The following SLC38A7 variants were observed in gnomAD, a reference collection of about 807,000 sequenced individuals.
The protein encoded by SLC38A7 is solute carrier family 38 member 7.
SLC38A7 carries 29 observed loss-of-function variants against 50.1 expected under a neutral mutation model. That is an observed-to-expected ratio of 0.58 (90% CI 0.43 to 0.79). The LOEUF is 0.79. Ranked by LOEUF, SLC38A7 falls within the 30% of genes least tolerant of loss-of-function variation. The pLI is 0.00. For missense variants in SLC38A7, 483 were observed against 610.6 expected, an observed-to-expected ratio of 0.79 and a Z score of 2.20; for synonymous variants, 244 against 245.9, an observed-to-expected ratio of 0.99 and a Z score of 0.07.
rs2044156420 is a variant in SLC38A7 at position 58,671,390 on chromosome 16, C to T, written c.1032-146G>A. The stretch of plus-strand genomic sequence containing the variant: ...GTTTCCTCTTCTGTAAAATGGGCCA[C>T]CAGCACTCTGTTTACCACAGGGACT... On this transcript the variant is annotated intron_variant, in intron 9 of 11. Transcript: ENST00000219320. 3.4e-5 allele frequency: 25 copies of T among 737,844 alleles called. No homozygotes were observed. In the South Asian group the frequency reaches 4.5e-4, roughly 13 times the overall value. The allele number at this position is 737,844 out of a possible 1,614,324, so 45.7% of individuals were successfully genotyped here. A position where few individuals can be genotyped will look rare whatever the true frequency, so the allele number is the denominator to read the frequency against.
chr16:58,672,724 G>A lies in SLC38A7; in HGVS notation c.884-481C>T, dbSNP rs9940685. On this transcript the variant is annotated intron_variant, in intron 8 of 11. Coordinates refer to ENST00000219320, the MANE Select transcript of SLC38A7 (RefSeq NM_018231.3). ...CGCAGTAGTGTGATCATGGCTCACT[G>A]CAGCCTTGACCTCCTCGGCTCAAGC... Among the ~76,000 whole-genome samples the A allele has an allele frequency of 3.7e-3, 566 of 152,160 alleles. 5 individuals carry two copies. The highest frequency in any genetic ancestry group is 0.013 in the African/African-American group (543 of 41,492).
At position 58,678,765 on chromosome 16, in the gene SLC38A7, C is replaced by T. The variant is rs1273376109; in HGVS notation, c.400G>A (p.Ala134Thr). Reference sequence around the variant, plus strand: ...GTGCCAAAGGTGTAGACAGCGATGGCCACCTCACATAGCACACCTGTCAGC... The same window carrying T: ...GTGCCAAAGGTGTAGACAGCGATGGTCACCTCACATAGCACACCTGTCAGC... ...GKLTGVLCEV[A>T]IAVYTFGTCI... Residue 134 changes from alanine to threonine, a missense_variant, in exon 4 of 12, where the codon GCC becomes ACC. Ala to Thr is a moderately conservative substitution (Grantham distance 58, BLOSUM62 0). Transcript: ENST00000219320. This position sits in a 1 kb window ranked among gnomAD's most constrained non-coding sequence, Gnocchi z 4.0. 6.2e-7 allele frequency: 1 copy of T among 1,614,126 alleles called. No individual in the cohort carries two copies. The highest frequency in any genetic ancestry group is 2.2e-5 in the East Asian group (1 of 44,878).
chr16:58,675,219 C>T, intron 8 of SLC38A7: 1 of 340,348 alleles, frequency 2.9e-6, no homozygotes, highest in South Asian at 2.5e-5. Flanking sequence ...ATACCTTCCC[C>T]ATTTTAGGCT....
chr16:58,676,436 G>A, intron 6 of SLC38A7, 90 bp from the exon 7 acceptor site: 1 of 1,386,920 alleles, frequency 7.2e-7, no homozygotes, highest in African/African-American at 1.4e-5. Context: ...AGCCCACCAT[G>A]GTCTCCAGCA....
Position 58,676,295 on chromosome 16 carries a change from TC to T in SLC38A7, c.761del (p.Gly254AspfsTer20). On this transcript the variant is annotated frameshift_variant, in exon 7 of 12. Transcript: ENST00000219320. LOFTEE classifies it high-confidence loss of function. ...VFNAMPTICF[G>X]FQCHVSSVPV... The stretch of plus-strand genomic sequence containing the variant: ...TTGCAACTGGCACTGGCACCTGAAA[TC>T]CGAAGCAGATGGTGGGCATGGCATT... 1.2e-6 allele frequency: 2 copies of T among 1,614,044 alleles called. No individual in the cohort carries two copies. The highest frequency in any genetic ancestry group is 1.7e-6 in the Non-Finnish European group (2 of 1,180,002).
At chr16:58,679,497 C>A (rs1360417836) in intron 3 of SLC38A7, 1 of 495,568 alleles carries the variant, frequency 2.0e-6, no homozygotes, top group Non-Finnish European at 3.5e-6. Flanking sequence ...CCCCTTCCCT[C>A]CCACTCTGCA....
chr16:58,678,252 A>G lies in SLC38A7; in HGVS notation c.611+81T>C. On this transcript the variant is annotated intron_variant, in intron 5 of 11. Coordinates refer to ENST00000219320, the MANE Select transcript of SLC38A7 (RefSeq NM_018231.3). The surrounding 1 kb of genome is among the most constrained non-coding windows in gnomAD (Gnocchi z 4.0). ...TCCCCAAGGTGAGGTGGCATGGAGG[A>G]GCAGGGTTCCCCAGGAGCCCTTGGG... The G allele has an allele frequency of 7.0e-7, 1 of 1,418,820 alleles. No individual in the cohort carries two copies. The highest frequency in any genetic ancestry group is 1.4e-5 in the African/African-American group (1 of 69,880). 87.9% of individuals were successfully genotyped at this position (1,418,820 alleles called of 1,614,324 possible).
Position 58,672,229 on chromosome 16 carries a change from G to A in SLC38A7, c.898C>T (p.Leu300=), listed in dbSNP as rs1032645540. 1 of 1,583,230 alleles carries A rather than the reference G, an allele frequency of 6.3e-7. No individual in the cohort carries two copies. Among genetic ancestry groups the A allele is most frequent in the African/African-American group, 1.3e-5 (1 of 74,514 alleles). The change falls in exon 9 of 12, where the codon CTG becomes TTG. Residue 300 remains leucine, a synonymous_variant. Coordinates refer to ENST00000219320, the MANE Select transcript of SLC38A7 (RefSeq NM_018231.3). The part of the protein sequence containing the change: ...VYMGTGICGF[L]TFGAAVDPDV... ...GGATCCACAGCAGCTCCAAAGGTCA[G>A]GAAGCCACAGATGCCTGTGGGCAGG...
At chr16:58,677,185 TC>T in intron 6 of SLC38A7, 140 bp downstream of exon 6, 2 of 673,070 alleles carry the variant, frequency 3.0e-6, no homozygotes, top group Non-Finnish European at 5.3e-6. Flanking sequence ...CTTTCCTCCT[TC>T]CTACAATGAC....
At position 58,679,989 on chromosome 16, in the gene SLC38A7, C is replaced by T. The variant is rs908133304; in HGVS notation, c.138G>A (p.Leu46=). 1.2e-6 allele frequency: 2 copies of T among 1,612,368 alleles called. No individual in the cohort carries two copies. Among genetic ancestry groups the T allele is most frequent in the Non-Finnish European group, 8.5e-7 (1 of 1,179,164 alleles). Residue 46 remains leucine (L), a synonymous_variant, in exon 3 of 12, where the codon CTG becomes CTA. Coordinates refer to ENST00000219320, the MANE Select transcript of SLC38A7 (RefSeq NM_018231.3). ...CAAGTGTGGAAGTGGTGCCTCTGTC[C>T]AGACCCCCAGGAGAGGCTTCCCACT... ...KSEWEASPGG[L]DRGTTSTLGA...
intron 11 of SLC38A7, among the ~76,000 whole-genome samples, chr16:58,667,827 A>C (rs1306598729): frequency 6.6e-6 from 1 of 152,254 alleles, no homozygotes; most frequent in Non-Finnish European, 1.5e-5. Context: ...GACATCTGCA[A>C]ATGTATGTAC....
At chr16:58,679,701 A>G in intron 3 of SLC38A7, 156 bp downstream of exon 3, 1 of 981,572 alleles carries the variant, frequency 1.0e-6, no homozygotes, top group South Asian at 1.7e-5. Flanking sequence ...GGGTCACAGG[A>G]AAGAATACTA....
intron 8 of SLC38A7, among the ~76,000 whole-genome samples, chr16:58,673,186 C>T (rs1418814428): frequency 2.1e-5 from 3 of 145,206 alleles, no homozygotes; most frequent in Non-Finnish European, 4.5e-5. Context: ...GTTCTCATGC[C>T]TCAGCCTCCT....
chr16:58,677,449 T>C, intron 5 of SLC38A7, 25 bp from the exon 6 acceptor site: 1 of 1,605,132 alleles, frequency 6.2e-7, no homozygotes, highest in South Asian at 1.1e-5. Context: ...AGACTAAGTG[T>C]CCTCATCCCC....
At chr16:58,674,012 A>G (rs1011440874) in intron 8 of SLC38A7, among the ~76,000 whole-genome samples, 1 of 151,266 alleles carries the variant, frequency 6.6e-6, no homozygotes, top group Admixed American at 6.6e-5. Context: ...TTTGATAGAG[A>G]CAGGGTTTTG....
rs905574006 is a variant in SLC38A7 at position 58,678,276 on chromosome 16, G to A, written c.611+57C>T. 2.7e-6 allele frequency: 4 copies of A among 1,468,972 alleles called. No homozygotes were observed. In the African/African-American group the frequency reaches 5.6e-5, roughly 21 times the overall value. The allele number at this position is 1,468,972 out of a possible 1,614,324, so 91.0% of individuals were successfully genotyped here. A position where few individuals can be genotyped will look rare whatever the true frequency, so the allele number is the denominator to read the frequency against. On this transcript the variant is annotated intron_variant, in intron 5 of 11. Coordinates refer to ENST00000219320, the MANE Select transcript of SLC38A7 (RefSeq NM_018231.3). The surrounding 1 kb of genome is among the most constrained non-coding windows in gnomAD (Gnocchi z 4.0). The stretch of plus-strand genomic sequence containing the variant: ...GAGCAGGGTTCCCCAGGAGCCCTTG[G>A]GTCTACAGCTGCCCAGGATCATAGC...
At chr16:58,679,503 C>G (rs1432153266) in intron 3 of SLC38A7, 1 of 500,296 alleles carries the variant, frequency 2.0e-6, no homozygotes, top group Non-Finnish European at 3.5e-6. Context: ...CCCTCCCACT[C>G]TGCATTTATT....
In SLC38A7 at chr16:58,671,068, G is replaced by A. The variant is rs748934257; in HGVS notation, c.1208C>T (p.Ala403Val). 1.2e-6 allele frequency: 2 copies of A among 1,608,192 alleles called. No homozygotes were observed. Among genetic ancestry groups the A allele is most frequent in the Non-Finnish European group, 1.7e-6 (2 of 1,177,656 alleles). The change falls in exon 10 of 12, where the codon GCC (alanine) becomes GTC (valine). Residue 403 changes from alanine to valine, a missense_variant. Transcript: ENST00000219320. The part of the protein sequence containing the change: ...KVISVIGGLA[A>V]CFIFVFPGLC... ...ACCTGGGAAGACGAAGATGAAGCAG[G>A]CGGCCAGGCCTCCAATGACTGAGAT...
chr16:58,675,747 G>T (rs755023745), intron 8 of SLC38A7, among the ~76,000 whole-genome samples, 193 bp downstream of exon 8: 1 of 152,130 alleles, frequency 6.6e-6, no homozygotes, highest in African/African-American at 2.4e-5. Flanking sequence ...TAGAACTGGT[G>T]AATGAATGGA....
Sources: gnomAD v4.1 joint callset for allele counts (sites outside exome capture counted in the v4.1 genomes callset) on GRCh38, gnomAD v4.1.1 for gene constraint, Gnocchi (gnomAD v3.1) non-coding constraint, MANE v1.5 for transcripts, NCBI Gene and HGNC (gene_info 2026-07-23, HGNC 2026-07-21) for gene names.